CYLC2: variants seen among roughly 807,000 people sequenced by gnomAD.
CYLC2 encodes the protein cylicin-2.
Under a neutral mutation model 26.1 loss-of-function variants are expected in CYLC2, and 30 were observed. The ratio of observed to expected loss-of-function variants is 1.15; its 90% CI spans 0.86 to 1.56. The LOEUF is 1.56. CYLC2 is among the 40% of genes most tolerant of loss of function. CYLC2 has a pLI of 0.00. For missense variants in CYLC2, 498 were observed against 394.4 expected (o/e 1.26, Z -2.23); for synonymous variants, 158 against 132.8 (o/e 1.19, Z -1.31).
At chr9:103,017,204 G>A (rs928522742) in intron 7 of CYLC2, among the ~76,000 whole-genome samples, 1 of 151,918 alleles carries the variant, frequency 6.6e-6, no homozygotes, top group Non-Finnish European at 1.5e-5. Flanking sequence ...GGGATTTAAG[G>A]TGGGTGGCAT....
chr9:103,011,675 A>C (rs2118256984), intron 5 of CYLC2, among the ~76,000 whole-genome samples: 1 of 152,184 alleles, frequency 6.6e-6, no homozygotes, highest in African/African-American at 2.4e-5. Context: ...GTGGGTTTAT[A>C]CAATAAAGTG....
rs138602087 is a variant in CYLC2 at position 103,000,446 on chromosome 9, G to C, written c.18-1132G>C. The stretch of plus-strand genomic sequence containing the variant: ...AATAATGCAGTTCATAATCATTGTT[G>C]GGTATCAACATTTCTTCTGTAGTAT... On this transcript the variant is annotated intron_variant, in intron 1 of 7. Coordinates refer to ENST00000374798, the MANE Select transcript of CYLC2 (RefSeq NM_001340.5). 5.0e-3 allele frequency among the ~76,000 whole-genome samples: 765 copies of C among 151,952 alleles called. 5 individuals are homozygous for C. The highest frequency in any genetic ancestry group is 0.017 in the African/African-American group (723 of 41,480).
chr9:103,011,354 ATACT>A (rs1279077707), intron 5 of CYLC2, among the ~76,000 whole-genome samples: 1 of 152,122 alleles, frequency 6.6e-6, no homozygotes, highest in Non-Finnish European at 1.5e-5. Context: ...GGGACATGAA[ATACT>A]TACGTTTCAT....
chr9:102,999,519 C>T (rs912457641), intron 1 of CYLC2, among the ~76,000 whole-genome samples: 17 of 151,416 alleles, frequency 1.1e-4, no homozygotes, highest in African/African-American at 4.1e-4. Context: ...TGAATAGATA[C>T]AGTAGGTTTA....
intron 6 of CYLC2, among the ~76,000 whole-genome samples, chr9:103,015,402 T>C (rs1401331624): frequency 7.7e-6 from 1 of 130,542 alleles, no homozygotes; most frequent in Non-Finnish European, 1.6e-5. Context: ...TATATATGCT[T>C]ATTATATATT....
chr9:103,016,838 A>T (rs1358394323), intron 6 of CYLC2, 50 bp from the exon 7 acceptor site: 1 of 152,022 alleles, frequency 6.6e-6, no homozygotes, highest in African/African-American at 2.4e-5. Flanking sequence ...AGTTTACATT[A>T]GAAAAAAATA....
chr9:103,013,184 T>C (rs1008054701), intron 6 of CYLC2, among the ~76,000 whole-genome samples: 97 of 125,656 alleles, frequency 7.7e-4, no homozygotes, highest in African/African-American at 2.5e-3. Flanking sequence ...ATATTTAATA[T>C]ATTATATATA....
chr9:103,003,034 G>T, intron 2 of CYLC2, 108 bp from the exon 3 acceptor site: 2 of 1,212,186 alleles, frequency 1.6e-6, no homozygotes, highest in South Asian at 3.1e-5. Context: ...GTCATAATTT[G>T]AATCACTTGT....
intron 6 of CYLC2, among the ~76,000 whole-genome samples, chr9:103,015,443 TAATA>T (rs1406844490): frequency 2.9e-5 from 4 of 137,650 alleles, no homozygotes; most frequent in Non-Finnish European, 6.2e-5. Flanking sequence ...TATATATCAT[TAATA>T]TATATATTAT....
intron 6 of CYLC2, among the ~76,000 whole-genome samples, chr9:103,015,834 C>G (rs1409011164): frequency 6.7e-6 from 1 of 150,308 alleles, no homozygotes; most frequent in African/African-American, 2.4e-5. Flanking sequence ...ATACCAATAT[C>G]TATTATACTA....
chr9:102,999,442 C>T (rs906992272), intron 1 of CYLC2, among the ~76,000 whole-genome samples: 3 of 151,820 alleles, frequency 2.0e-5, no homozygotes, highest in African/African-American at 7.2e-5. Context: ...GACAATTTTA[C>T]TTCTTCCTTT....
intron 1 of CYLC2, 33 bp from the exon 2 acceptor site, chr9:103,001,545 A>C: frequency 7.3e-7 from 1 of 1,361,326 alleles, no homozygotes; most frequent in Non-Finnish European, 1.0e-6. Flanking sequence ...TTTTATATAA[A>C]TTAACTAAAA....
chr9:103,016,178 T>G (rs1463823594), intron 6 of CYLC2, among the ~76,000 whole-genome samples: 1 of 151,854 alleles, frequency 6.6e-6, no homozygotes, highest in African/African-American at 2.4e-5. Flanking sequence ...AATGAGTTAT[T>G]TTCTAATGGT....
chr9:103,013,722 T>C (rs1829447706), intron 6 of CYLC2, among the ~76,000 whole-genome samples: 2 of 110,450 alleles, frequency 1.8e-5, no homozygotes, highest in Admixed American at 2.5e-4. Flanking sequence ...ATATATATTA[T>C]GCATTTTATA....
intron 5 of CYLC2, among the ~76,000 whole-genome samples, chr9:103,008,260 T>G (rs1210705736): frequency 6.6e-6 from 1 of 152,094 alleles, no homozygotes; most frequent in African/African-American, 2.4e-5. Flanking sequence ...ACCTTTAATA[T>G]CCTACTGAGG....
chr9:103,013,268 ATAT>A lies in CYLC2; in HGVS notation c.*816+1175_*816+1177del, dbSNP rs1829433723. Among the ~76,000 whole-genome samples the A allele has an allele frequency of 5.5e-5, 6 of 109,422 alleles. No individual in the cohort carries two copies. The South Asian group carries it at 7.7e-4, about 14-fold the overall frequency. 71.8% of individuals were successfully genotyped at this position (109,422 alleles called of 152,430 possible). Reference sequence around the variant, plus strand: ...TAAATATATATTTAATGTGTTATATATATTATATATAACACATTAAATATATAT... The same window carrying A: ...TAAATATATATTTAATGTGTTATATATATATATAACACATTAAATATATAT... On this transcript the variant is annotated intron_variant, in intron 6 of 7. Coordinates refer to ENST00000374798, the MANE Select transcript of CYLC2 (RefSeq NM_001340.5).
intron 6 of CYLC2, among the ~76,000 whole-genome samples, chr9:103,013,473 A>C (rs1311407889): frequency 3.5e-4 from 38 of 108,348 alleles, no homozygotes; most frequent in Admixed American, 1.8e-3. Flanking sequence ...TATATTATAT[A>C]AATATATATT....
chr9:103,005,802 A>G lies in CYLC2; in HGVS notation c.*124A>G. 9.2e-7 allele frequency: 1 copy of G among 1,089,462 alleles called. No homozygotes were observed. The highest frequency in any genetic ancestry group is 1.3e-6 in the Non-Finnish European group (1 of 755,112). The allele number at this position is 1,089,462 out of a possible 1,614,324, so 67.5% of individuals were successfully genotyped here. A position where few individuals can be genotyped will look rare whatever the true frequency, so the allele number is the denominator to read the frequency against. On this transcript the variant is annotated 3_prime_UTR_variant, in exon 5 of 8. Coordinates refer to ENST00000374798, the MANE Select transcript of CYLC2 (RefSeq NM_001340.5). ...CTCAAAGAATTAAATAATTTTTAAA[A>G]GGTGGTAAAGAAGGATACAAAGGAG...
intron 5 of CYLC2, among the ~76,000 whole-genome samples, chr9:103,009,660 A>T (rs115796141): frequency 3.4e-4 from 52 of 152,134 alleles, no homozygotes; most frequent in African/African-American, 1.2e-3. Flanking sequence ...AGTAGGTCTT[A>T]TTCATTTTTT....
Sources: allele counts gnomAD v4.1 joint callset (sites outside exome capture counted in the v4.1 genomes callset), GRCh38; gene constraint gnomAD v4.1.1; transcripts MANE v1.5; gene names NCBI Gene and HGNC (gene_info 2026-07-23, HGNC 2026-07-21).